AGBL1: variants seen among roughly 807,000 people sequenced by gnomAD.
AGBL1 encodes the protein AGBL carboxypeptidase 1, also known as cytosolic carboxypeptidase 4.
Under a neutral mutation model 118.9 loss-of-function variants are expected in AGBL1, and 130 were observed. That is an observed-to-expected ratio of 1.09 (90% confidence interval 0.95 to 1.26). The LOEUF (loss-of-function observed/expected upper bound fraction) is 1.26. Among genes scored for constraint, AGBL1 ranks in the 50% most tolerant of loss-of-function variants. The pLI, the probability that AGBL1 is intolerant of heterozygous loss-of-function variation, is 0.00. For synonymous variants in AGBL1, 555 were observed against 478.9 expected (o/e 1.16, Z -2.08); for missense variants, 1,584 against 1,298.1 (o/e 1.22, Z -3.38).
Position 86,987,995 on chromosome 15 carries a change from C to A in AGBL1, c.3230C>A (p.Ser1077Ter), listed in dbSNP as rs866502539. 1.9e-6 allele frequency: 3 copies of A among 1,613,350 alleles called. No individual in the cohort carries two copies. Among genetic ancestry groups the A allele is most frequent in the African/African-American group, 1.3e-5 (1 of 75,032 alleles). ...TTATCTGAACATTACAGATTAAAAT[C>A]ATCCAATTTCCTGCCAAAGCATATT... Residue 1077 changes from serine (S) to a stop codon, truncating the protein, a stop_gained, in exon 24 of 25, where the codon TCA (serine) becomes TAA (stop). Coordinates refer to the AGBL1 transcript ENST00000441037. LOFTEE classifies it high-confidence loss of function.
intron 22 of AGBL1, among the ~76,000 whole-genome samples, chr15:86,714,377 C>T (rs904658247): frequency 6.6e-6 from 1 of 152,248 alleles, no homozygotes; most frequent in African/African-American, 2.4e-5. Flanking sequence ...ACAGCAAAGA[C>T]TCAAACAGAT....
At chr15:86,710,517 G>A (rs917688916) in intron 22 of AGBL1, among the ~76,000 whole-genome samples, 2 of 152,154 alleles carry the variant, frequency 1.3e-5, no homozygotes, top group Non-Finnish European at 2.9e-5. Flanking sequence ...TTTAATTGGT[G>A]TGAGGCAGCG....
At chr15:86,567,369 C>A (rs1430609859) in intron 21 of AGBL1, among the ~76,000 whole-genome samples, 1 of 152,118 alleles carries the variant, frequency 6.6e-6, no homozygotes. Flanking sequence ...CTCATTTATT[C>A]TATCTGTCAA....
intron 18 of AGBL1, among the ~76,000 whole-genome samples, chr15:86,424,842 A>G (rs549594696): frequency 1.1e-4 from 17 of 152,370 alleles, no homozygotes; most frequent in African/African-American, 3.4e-4. Context: ...ACAATGAGAT[A>G]CCATCTCATG....
At chr15:86,202,340 G>A (rs866354001) in intron 5 of AGBL1, among the ~76,000 whole-genome samples, 2 of 152,082 alleles carry the variant, frequency 1.3e-5, no homozygotes, top group Non-Finnish European at 2.9e-5. Flanking sequence ...ACAGGAGGAA[G>A]GGGCTCTGTC....
At position 86,765,096 on chromosome 15, in the gene AGBL1, A is replaced by G. The variant is rs190247435; in HGVS notation, c.3158+90660A>G. 5.3e-5 allele frequency among the ~76,000 whole-genome samples: 8 copies of G among 152,100 alleles called. No homozygotes were observed. In the East Asian group the frequency reaches 1.6e-3, roughly 30 times the overall value. ...ACTTGAATGAAACTTAACTGCTTCT[A>G]CACCATGTCACATTGCAGATCCATA... is the stretch of plus-strand genomic sequence containing the variant. On this transcript the variant is annotated intron_variant, in intron 22 of 22. Coordinates refer to ENST00000614907, the MANE Select transcript of AGBL1 (RefSeq NM_001386094.1).
chr15:86,676,948 G>A (rs770004399), intron 22 of AGBL1, among the ~76,000 whole-genome samples: 18 of 151,912 alleles, frequency 1.2e-4, no homozygotes, highest in South Asian at 2.1e-4. Context: ...CCTGGGAGGC[G>A]GAGGTTGCAG....
intron 16 of AGBL1, among the ~76,000 whole-genome samples, chr15:86,285,465 A>G (rs568756906): frequency 1.4e-3 from 210 of 152,274 alleles, no homozygotes; most frequent in African/African-American, 4.8e-3. Flanking sequence ...ATGATAGTGA[A>G]TAAGTCTCAT....
intron 17 of AGBL1, among the ~76,000 whole-genome samples, chr15:86,352,374 C>T (rs1287754726): frequency 6.6e-6 from 1 of 152,114 alleles, no homozygotes; most frequent in Non-Finnish European, 1.5e-5. Flanking sequence ...CAGTAGGCAA[C>T]TCATGTGCTG....
chr15:86,617,757 TGC>T (rs1376624553), intron 21 of AGBL1, among the ~76,000 whole-genome samples: 2,182 of 99,104 alleles, frequency 0.022, 58 homozygotes, highest in African/African-American at 0.072. Context: ...TTCAACTTTA[TGC>T]GCACACACAC....
At position 86,295,249 on chromosome 15, in the gene AGBL1, C is replaced by T. The variant is rs1183114084; in HGVS notation, c.2221-6C>T. On this transcript the variant is annotated splice_region_variant and splice_polypyrimidine_tract_variant and intron_variant, in intron 16 of 22. Coordinates refer to ENST00000614907, the MANE Select transcript of AGBL1 (RefSeq NM_001386094.1). The stretch of plus-strand genomic sequence containing the variant: ...AATATACATGCCTGCTTTATTTCTG[C>T]TCCAGACTCATCTTGACATCCTGGA... 1.2e-6 allele frequency: 2 copies of T among 1,613,118 alleles called. No homozygotes were observed. The highest frequency in any genetic ancestry group is 8.5e-7 in the Non-Finnish European group (1 of 1,179,530).
chr15:86,494,335 TCTC>T (rs951094587), intron 18 of AGBL1, among the ~76,000 whole-genome samples: 14 of 152,074 alleles, frequency 9.2e-5, no homozygotes, highest in Admixed American at 2.0e-4. Context: ...TTACAGCTAA[TCTC>T]CTCCCTCCTA....
intron 21 of AGBL1, among the ~76,000 whole-genome samples, chr15:86,565,355 G>T (rs992894039): frequency 6.6e-6 from 1 of 152,230 alleles, no homozygotes; most frequent in Non-Finnish European, 1.5e-5. Flanking sequence ...TAACAGTCAG[G>T]ACCCTCAGCT....
chr15:86,263,843 T>C (rs1439191287), intron 10 of AGBL1, among the ~76,000 whole-genome samples: 5 of 152,186 alleles, frequency 3.3e-5, no homozygotes, highest in Admixed American at 3.3e-4. Flanking sequence ...TATATTCTAT[T>C]TGGCTTCAGA....
intron 17 of AGBL1, among the ~76,000 whole-genome samples, chr15:86,370,331 A>G (rs1436578862): frequency 3.4e-5 from 5 of 147,170 alleles, no homozygotes; most frequent in African/African-American, 1.3e-4. Context: ...TTTAGACAGA[A>G]TCTCACTCTG....
At chr15:86,904,939 A>C (rs553968181) in intron 22 of AGBL1, among the ~76,000 whole-genome samples, 1 of 152,268 alleles carries the variant, frequency 6.6e-6, no homozygotes, top group East Asian at 1.9e-4. Flanking sequence ...AATCTGACAG[A>C]GGCATGGGCC....
intron 22 of AGBL1, among the ~76,000 whole-genome samples, chr15:86,843,302 G>C (rs575694810): frequency 5.3e-5 from 8 of 151,982 alleles, no homozygotes; most frequent in African/African-American, 1.9e-4. Context: ...AGCAAGAATA[G>C]TATAGGTTTC....
chr15:86,982,904 C>G (rs1031252811), intron 23 of AGBL1, among the ~76,000 whole-genome samples: 1 of 152,196 alleles, frequency 6.6e-6, no homozygotes, highest in Non-Finnish European at 1.5e-5. Flanking sequence ...CCCTCATCTT[C>G]ATGCTGTTCA....
chr15:86,819,827 T>G (rs1201853117), intron 22 of AGBL1, among the ~76,000 whole-genome samples: 1 of 152,154 alleles, frequency 6.6e-6, no homozygotes, highest in Non-Finnish European at 1.5e-5. Flanking sequence ...AGAGCCCATA[T>G]AGCCAAGACA....
Sources: gnomAD v4.1 joint callset for allele counts (sites outside exome capture counted in the v4.1 genomes callset) on GRCh38, gnomAD v4.1.1 for gene constraint, MANE v1.5 for transcripts, NCBI Gene and HGNC (gene_info 2026-07-23, HGNC 2026-07-21) for gene names.